The following GMDS variants were observed in gnomAD, a reference collection of about 807,000 sequenced individuals.
GMDS encodes GDP-mannose 4,6-dehydratase.
GMDS carries 20 observed loss-of-function variants against 49.9 expected under a neutral mutation model. That is an observed-to-expected ratio of 0.40 (90% CI 0.28 to 0.58). GMDS has a LOEUF of 0.58. GMDS is among the 20% of genes least tolerant of loss of function. The pLI is 0.42. For missense variants in GMDS, 362 were observed against 481.4 expected, an observed-to-expected ratio of 0.75 and a Z score of 2.32; for synonymous variants, 177 against 178.6, an observed-to-expected ratio of 0.99 and a Z score of 0.07.
intron 9 of GMDS, among the ~76,000 whole-genome samples, chr6:1,720,156 G>T (rs776264349): frequency 6.6e-5 from 10 of 151,956 alleles, no homozygotes; most frequent in Non-Finnish European, 8.8e-5. Flanking sequence ...AAACTTCAAG[G>T]AAAAAAGGAG....
chr6:1,936,721 C>T (rs1275847582), intron 6 of GMDS, among the ~76,000 whole-genome samples: 1 of 152,172 alleles, frequency 6.6e-6, no homozygotes, highest in African/African-American at 2.4e-5. Flanking sequence ...AATCCCAACA[C>T]TTTGGGAGGC....
At chr6:1,855,097 A>G (rs1412666550) in intron 7 of GMDS, among the ~76,000 whole-genome samples, 1 of 152,218 alleles carries the variant, frequency 6.6e-6, no homozygotes. Flanking sequence ...CCTATGACAA[A>G]TAGAGAGAGC....
chr6:2,241,389 G>C (rs1405855018), intron 1 of GMDS, among the ~76,000 whole-genome samples: 1 of 152,202 alleles, frequency 6.6e-6, no homozygotes, highest in African/African-American at 2.4e-5. Flanking sequence ...ATTGTATTTT[G>C]CATGAGAAAG....
chr6:2,107,596 T>G (rs1418630733), intron 4 of GMDS, among the ~76,000 whole-genome samples: 1 of 152,242 alleles, frequency 6.6e-6, no homozygotes, highest in East Asian at 1.9e-4. Context: ...TCACGGGGGC[T>G]GTGTCCACAC....
intron 7 of GMDS, among the ~76,000 whole-genome samples, chr6:1,831,778 T>C (rs1435609833): frequency 1.3e-5 from 2 of 152,106 alleles, no homozygotes; most frequent in African/African-American, 4.8e-5. Context: ...AAAAATTAGA[T>C]GTTCAATCCC....
intron 7 of GMDS, among the ~76,000 whole-genome samples, chr6:1,835,026 T>C (rs939468938): frequency 7.9e-5 from 12 of 152,342 alleles, no homozygotes; most frequent in Admixed American, 6.5e-4. Flanking sequence ...TTAATTATTT[T>C]TTTATTTAGA....
At chr6:1,752,851 C>T (rs1767785891) in intron 7 of GMDS, among the ~76,000 whole-genome samples, 1 of 152,170 alleles carries the variant, frequency 6.6e-6, no homozygotes, top group African/African-American at 2.4e-5. Flanking sequence ...ATTTTGTCAC[C>T]ACCTGGCCTG....
chr6:2,190,397 A>G (rs1054327110), intron 1 of GMDS, among the ~76,000 whole-genome samples: 8 of 152,218 alleles, frequency 5.3e-5, no homozygotes, highest in African/African-American at 1.9e-4. Context: ...TAATTCTCAC[A>G]GTTATTCTGC....
rs1305306742 is a variant in GMDS, at chr6:1,827,076, ATATGTGTGTG to A, written c.772-84500_772-84491del. On this transcript the variant is annotated intron_variant, in intron 7 of 10. Transcript: ENST00000380815. ...GCTACGCTGTCTCTTAAAAAAATATATATGTGTGTGTGTGTGTGTGTGTGTGTGTGTGTGT... is the reference window on the plus strand; with the variant it reads ...GCTACGCTGTCTCTTAAAAAAATATATGTGTGTGTGTGTGTGTGTGTGTGT... 6.9e-3 allele frequency among the ~76,000 whole-genome samples: 768 copies of A among 111,184 alleles called. 4 individuals carry two copies. Among genetic ancestry groups the A allele is most frequent in the African/African-American group, 0.015 (420 of 28,030 alleles). 72.9% of individuals were successfully genotyped at this position (111,184 alleles called of 152,430 possible).
chr6:1,970,537 G>A (rs1052690482), intron 4 of GMDS, among the ~76,000 whole-genome samples: 1 of 152,220 alleles, frequency 6.6e-6, no homozygotes, highest in South Asian at 2.1e-4. Context: ...CAGGCCGCAG[G>A]CTGTGATTCC....
chr6:1,984,362 A>G (rs920274015), intron 4 of GMDS, among the ~76,000 whole-genome samples: 1 of 152,202 alleles, frequency 6.6e-6, no homozygotes, highest in Non-Finnish European at 1.5e-5. Context: ...CATCCTGCAC[A>G]TGTACCTCTG....
At chr6:1,869,828 C>A (rs557171563) in intron 7 of GMDS, among the ~76,000 whole-genome samples, 2 of 152,358 alleles carry the variant, frequency 1.3e-5, no homozygotes, top group Non-Finnish European at 2.9e-5. Flanking sequence ...ATCCCTGGCT[C>A]TTCCTCCTGG....
intron 7 of GMDS, among the ~76,000 whole-genome samples, chr6:1,788,083 G>A (rs1769391735): frequency 6.6e-6 from 1 of 152,128 alleles, no homozygotes; most frequent in Admixed American, 6.5e-5. Context: ...AACATGTGGA[G>A]GTTAGACAGG....
intron 4 of GMDS, among the ~76,000 whole-genome samples, chr6:1,973,286 A>G (rs1312682731): frequency 6.6e-6 from 1 of 152,240 alleles, no homozygotes; most frequent in Non-Finnish European, 1.5e-5. Context: ...ATCAAAAATT[A>G]AACAATTACA....
chr6:1,837,524 G>A lies in GMDS; in HGVS notation c.771+92579C>T, dbSNP rs114311462. Among the ~76,000 whole-genome samples the A allele has an allele frequency of 5.8e-3, 875 of 152,010 alleles. 8 individuals are homozygous for A. The highest frequency in any genetic ancestry group is 0.02 in the African/African-American group (830 of 41,442). ...GTGTTGGTAAGTGTGGTGTACCCCC[G>A]TCCCGAATCCTGAATTTTCTGTGGA... On this transcript the variant is annotated intron_variant, in intron 7 of 10. Transcript: ENST00000380815.
intron 4 of GMDS, among the ~76,000 whole-genome samples, chr6:1,992,857 G>A (rs866548716): frequency 1.3e-5 from 2 of 152,216 alleles, no homozygotes; most frequent in African/African-American, 4.8e-5. Flanking sequence ...TGCTGAGTGT[G>A]TTGATCTACA....
intron 1 of GMDS, among the ~76,000 whole-genome samples, chr6:2,213,060 T>C (rs927380503): frequency 2.0e-5 from 3 of 152,162 alleles, no homozygotes; most frequent in African/African-American, 4.8e-5. Flanking sequence ...CTGTACATTA[T>C]TTTTGTCCCA....
Position 1,624,513 on chromosome 6 carries a change from C to CT in GMDS, c.1014dup (p.Ala339SerfsTer15). The CT allele has an allele frequency of 6.2e-7, 1 of 1,613,812 alleles. No homozygotes were observed. The highest frequency in any genetic ancestry group is 8.5e-7 in the Non-Finnish European group (1 of 1,179,778). ...GGCTTCCAGTTCAGCTTCTGTTTCG[C>CT]TTTGGTGCAGTCGCCCTGCAGAAAG... On this transcript the variant is annotated frameshift_variant, in exon 10 of 11. Transcript: ENST00000380815. LOFTEE classifies it high-confidence loss of function.
At chr6:1,872,881 A>G (rs1758846039) in intron 7 of GMDS, among the ~76,000 whole-genome samples, 1 of 152,274 alleles carries the variant, frequency 6.6e-6, no homozygotes, top group Non-Finnish European at 1.5e-5. Context: ...ACAGCTGTTT[A>G]CAAGTTTTCA....
Sources: allele counts gnomAD v4.1 joint callset (sites outside exome capture counted in the v4.1 genomes callset), GRCh38; gene constraint gnomAD v4.1.1; transcripts MANE v1.5; gene names NCBI Gene and HGNC (gene_info 2026-07-23, HGNC 2026-07-21).